Variants in FAM98B observed in about 807,000 individuals in gnomAD.
The protein encoded by FAM98B is tRNA-splicing ligase complex subunit FAM98B.
In FAM98B, 32 loss-of-function variants were observed where a neutral mutation model predicts 43.9. The observed-to-expected ratio is 0.73, with a 90% CI of 0.55 to 0.98. FAM98B has a LOEUF of 0.98. Among genes scored for constraint, FAM98B ranks in the 50% least tolerant of loss-of-function variants. FAM98B has a pLI of 0.00. For missense variants in FAM98B, 514 were observed against 522.9 expected, an observed-to-expected ratio of 0.98 and a Z score of 0.17; for synonymous variants, 190 against 174.0, an observed-to-expected ratio of 1.09 and a Z score of -0.72.
intron 6 of FAM98B, 55 bp downstream of exon 6, chr15:38,474,353 T>C: frequency 8.2e-7 from 1 of 1,217,850 alleles, no homozygotes; most frequent in Non-Finnish European, 1.2e-6. Flanking sequence ...ACAGCTCTTC[T>C]GGCTTGCTTG....
Position 38,487,240 on chromosome 15 carries a change from C to G in FAM98B, c.*2581C>G, listed in dbSNP as rs1338834476. 1 of 152,046 alleles carries G rather than the reference C, an allele frequency of 6.6e-6. No individual in the cohort carries two copies. The highest frequency in any genetic ancestry group is 1.5e-5 in the Non-Finnish European group (1 of 67,938). The allele number at this position is 152,046 out of a possible 1,614,324, so 9.4% of individuals were successfully genotyped here. A position where few individuals can be genotyped will look rare whatever the true frequency, so the allele number is the denominator to read the frequency against. ...CTTTTGTTTTGCAGATCAGGGAAAC[C>G]TTGCCTCATTAAACAGAAAAAGGAA... On this transcript the variant is annotated 3_prime_UTR_variant, in exon 8 of 8. Transcript: ENST00000397609.
chr15:38,470,158 A>C, intron 3 of FAM98B, 69 bp from the exon 4 acceptor site: 1 of 1,228,524 alleles, frequency 8.1e-7, no homozygotes, highest in Non-Finnish European at 1.1e-6. Context: ...TTAAGTGAAT[A>C]ATTTCAGTGA....
intron 7 of FAM98B, 33 bp from the exon 8 acceptor site, chr15:38,484,222 T>C: frequency 1.3e-6 from 2 of 1,536,212 alleles, no homozygotes; most frequent in Middle Eastern, 1.8e-4. Context: ...TTTTGAAATA[T>C]TAGGAACTAA....
At chr15:38,454,564 T>C (rs1416848117) in intron 1 of FAM98B, among the ~76,000 whole-genome samples, 1 of 152,212 alleles carries the variant, frequency 6.6e-6, no homozygotes, top group Non-Finnish European at 1.5e-5. Flanking sequence ...GATATTTGTG[T>C]TGACGTAGTT....
chr15:38,484,364 G>A lies in FAM98B; in HGVS notation c.1007G>A (p.Gly336Asp), dbSNP rs577636106. ...AGACAAGAAGGCGGCGGTGGAAGGG[G>A]TGGTTGGGGTGGTGGTGGTGGAGGT... Reference protein sequence around the residue: ...QKRQEGGGGRGGWGGGGGGGG... With the variant: ...QKRQEGGGGRDGWGGGGGGGG... Residue 336 changes from glycine to aspartate, a missense_variant, in exon 8 of 8, where the codon GGT becomes GAT. Around this residue, in one of 2 missense-constraint regions of FAM98B, gnomAD observed 469 missense variants for 451.8 expected, o/e 1.04. Coordinates refer to ENST00000397609, the MANE Select transcript of FAM98B (RefSeq NM_173611.4). The A allele has an allele frequency of 6.5e-6, 10 of 1,528,010 alleles. No individual in the cohort carries two copies. The African/African-American group carries it at 8.8e-5, about 13-fold the overall frequency. The allele number at this position is 1,528,010 out of a possible 1,614,324, so 94.7% of individuals were successfully genotyped here. A position where few individuals can be genotyped will look rare whatever the true frequency, so the allele number is the denominator to read the frequency against.
chr15:38,461,005 G>T (rs1889938021), intron 1 of FAM98B, among the ~76,000 whole-genome samples: 1 of 152,032 alleles, frequency 6.6e-6, no homozygotes, highest in Admixed American at 6.6e-5. Context: ...TATGTTAAAT[G>T]CATTTATTTG....
rs1240925769 is a variant in FAM98B, at chr15:38,487,070, C to G, written c.*2411C>G. Reference sequence around the variant, plus strand: ...CCTGGTACCTAATAGCAAATATAGACATGATCTTACTGGGAGTTTCTGCCT... The same window carrying G: ...CCTGGTACCTAATAGCAAATATAGAGATGATCTTACTGGGAGTTTCTGCCT... On this transcript the variant is annotated 3_prime_UTR_variant, in exon 8 of 8. Transcript: ENST00000397609. The G allele has an allele frequency of 6.6e-6, 1 of 151,946 alleles. No homozygotes were observed. The highest frequency in any genetic ancestry group is 1.5e-5 in the Non-Finnish European group (1 of 67,912). 9.4% of individuals were successfully genotyped at this position (151,946 alleles called of 1,614,324 possible). A position where few individuals can be genotyped will look rare whatever the true frequency, so the allele number is the denominator to read the frequency against.
chr15:38,480,179 G>A (rs1890262218), intron 6 of FAM98B, among the ~76,000 whole-genome samples: 1 of 151,960 alleles, frequency 6.6e-6, no homozygotes, highest in African/African-American at 2.4e-5. Context: ...TAATGTAGTT[G>A]TTTTTAAATT....
intron 2 of FAM98B, among the ~76,000 whole-genome samples, chr15:38,464,806 T>G (rs1166661047): frequency 6.6e-6 from 1 of 152,224 alleles, no homozygotes; most frequent in Non-Finnish European, 1.5e-5. Context: ...CTTGTTATGT[T>G]GCACAGACTG....
rs1241791619 is a variant in FAM98B, at chr15:38,484,412, G to A, written c.1055G>A (p.Gly352Asp). The A allele has an allele frequency of 1.6e-5, 15 of 953,662 alleles. No homozygotes were observed. Among genetic ancestry groups the A allele is most frequent in the Non-Finnish European group, 1.9e-5 (15 of 783,618 alleles). The allele number at this position is 953,662 out of a possible 1,614,324, so 59.1% of individuals were successfully genotyped here. Residue 352 changes from glycine (G) to aspartate (D), a missense_variant, in exon 8 of 8, where the codon GGT becomes GAT. Coordinates refer to ENST00000397609, the MANE Select transcript of FAM98B (RefSeq NM_173611.4). ...GGGGGRGGGG[G>D]GGGRGGWGGG... The stretch of plus-strand genomic sequence containing the variant: ...GGTGGTGGTAGAGGAGGTGGTGGGG[G>A]TGGGGGTGGGAGAGGTGGCTGGGGG...
At chr15:38,470,535 C>A in intron 4 of FAM98B, 130 bp downstream of exon 4, 1 of 812,620 alleles carries the variant, frequency 1.2e-6, no homozygotes, top group Non-Finnish European at 1.8e-6. Context: ...TTCATATAAA[C>A]CCAGTTTTGG....
chr15:38,460,462 G>C (rs1889929940), intron 1 of FAM98B, among the ~76,000 whole-genome samples: 1 of 151,984 alleles, frequency 6.6e-6, no homozygotes, highest in Admixed American at 6.6e-5. Context: ...CTTAAGAGAG[G>C]TCTGTGGACT....
intron 6 of FAM98B, among the ~76,000 whole-genome samples, chr15:38,476,961 A>C (rs1890209806): frequency 6.6e-6 from 1 of 151,950 alleles, no homozygotes; most frequent in African/African-American, 2.4e-5. Flanking sequence ...ACTGCACTAC[A>C]GCTTGGGCGA....
At chr15:38,465,838 T>G (rs60817477) in intron 3 of FAM98B, among the ~76,000 whole-genome samples, 1 of 152,074 alleles carries the variant, frequency 6.6e-6, no homozygotes, top group East Asian at 1.9e-4. Context: ...TTGCTTGTTT[T>G]GTTTTTTTTT....
At position 38,465,254 on chromosome 15, in the gene FAM98B, T is replaced by A. The variant is rs748019657; in HGVS notation, c.218-15T>A. On this transcript the variant is annotated splice_polypyrimidine_tract_variant and intron_variant, in intron 2 of 7. Coordinates refer to ENST00000397609, the MANE Select transcript of FAM98B (RefSeq NM_173611.4). The stretch of plus-strand genomic sequence containing the variant: ...AAATGCTCAGTAAATGTTTTATGAT[T>A]TTTCTTTTTTAAAGGAAGAGATGAT... 6.3e-7 allele frequency: 1 copy of A among 1,595,944 alleles called. No homozygotes were observed. Among genetic ancestry groups the A allele is most frequent in the Non-Finnish European group, 8.5e-7 (1 of 1,175,490 alleles).
At chr15:38,481,569 A>G in intron 7 of FAM98B, 110 bp downstream of exon 7, 1 of 1,612,624 alleles carries the variant, frequency 6.2e-7, no homozygotes, top group Non-Finnish European at 8.5e-7. Flanking sequence ...TTTAGAAAAA[A>G]GAGTGGCAGG....
intron 4 of FAM98B, among the ~76,000 whole-genome samples, chr15:38,472,137 A>T (rs1361319616): frequency 6.6e-6 from 1 of 152,154 alleles, no homozygotes; most frequent in East Asian, 1.9e-4. Flanking sequence ...ATAACAAGTG[A>T]TTTTCAGATT....
At chr15:38,478,494 G>A (rs186583186) in intron 6 of FAM98B, among the ~76,000 whole-genome samples, 8 of 152,050 alleles carry the variant, frequency 5.3e-5, no homozygotes, top group East Asian at 3.9e-4. Flanking sequence ...AGAAAAATAC[G>A]TCTGATATTG....
At chr15:38,481,594 G>T in intron 7 of FAM98B, 135 bp downstream of exon 7, 3 of 1,602,760 alleles carry the variant, frequency 1.9e-6, no homozygotes, top group South Asian at 1.1e-5. Flanking sequence ...TTCAGTCTAG[G>T]CTTAGTTATG....
Sources: gnomAD v4.1 joint callset for allele counts (sites outside exome capture counted in the v4.1 genomes callset) on GRCh38, gnomAD v4.1.1 for gene constraint, gnomAD v4.1.1 regional missense constraint, MANE v1.5 for transcripts, NCBI Gene and HGNC (gene_info 2026-07-23, HGNC 2026-07-21) for gene names.